The following ZMAT1 variants were observed in gnomAD, a reference collection of about 807,000 sequenced individuals.
ZMAT1 encodes the protein zinc finger matrin-type protein 1.
Under a neutral mutation model 18.5 loss-of-function variants are expected in ZMAT1, and 11 were observed. The observed-to-expected ratio is 0.59, with a 90% confidence interval of 0.37 to 0.98. The LOEUF is 0.98. Among genes scored for constraint, ZMAT1 ranks in the 50% least tolerant of loss-of-function variants. ZMAT1 has a pLI of 0.01. For missense variants in ZMAT1, 525 were observed against 496.2 expected (o/e 1.06, Z -0.55); for synonymous variants, 211 against 176.4 (o/e 1.20, Z -1.55).
intron 1 of ZMAT1, among the ~76,000 whole-genome samples, chrX:101,905,507 C>G (rs1386008614): frequency 8.9e-6 from 1 of 112,146 alleles, no homozygotes; most frequent in African/African-American, 3.2e-5. Flanking sequence ...CATGCTTTCA[C>G]AGAGAGATGC....
chrX:101,894,070 G>A (rs1242946226), intron 4 of ZMAT1, among the ~76,000 whole-genome samples: 1 of 111,831 alleles, frequency 8.9e-6, no homozygotes, highest in African/African-American at 3.3e-5. Flanking sequence ...AAACACTCTA[G>A]TGGTTAAATT....
In ZMAT1 at chrX:101,886,728, A is replaced by T; in HGVS notation, c.680T>A (p.Phe227Tyr). The change falls in exon 5 of 6, where the codon TTT becomes TAT. Residue 227 changes from phenylalanine to tyrosine, a missense_variant. Transcript: ENST00000651725. The part of the protein sequence containing the change: ...SPSGFQPEMA[F>Y]SMRTYVCHIC... ...ATGGCAAACATAGGTTCTCATACTA[A>T]ATGCTGAAAAAACAAAGAGTTCAAG... 1 of 1,169,249 alleles carries T rather than the reference A, an allele frequency of 8.6e-7. No homozygotes were observed. Among genetic ancestry groups the T allele is most frequent in the Non-Finnish European group, 1.2e-6 (1 of 862,400 alleles).
intron 4 of ZMAT1, 113 bp from the exon 5 acceptor site, chrX:101,886,844 A>G (rs1485500607): frequency 1.9e-6 from 1 of 536,039 alleles, no homozygotes; most frequent in Non-Finnish European, 3.0e-6. Flanking sequence ...ACATTTTCCA[A>G]TAAAGATGGG....
chrX:101,917,115 A>T (rs756835638), intron 1 of ZMAT1, among the ~76,000 whole-genome samples: 4 of 112,377 alleles, frequency 3.6e-5, no homozygotes, highest in Non-Finnish European at 5.6e-5. Flanking sequence ...AATCTCCAGG[A>T]CACTGGTCTT....
chrX:101,899,024 G>C (rs1441391816), intron 2 of ZMAT1, among the ~76,000 whole-genome samples: 1 of 110,828 alleles, frequency 9.0e-6, no homozygotes, highest in African/African-American at 3.3e-5. Flanking sequence ...CTCCAGCCTA[G>C]GCGACAGAGA....
chrX:101,891,298 A>G (rs1603274609), intron 4 of ZMAT1, among the ~76,000 whole-genome samples: 1 of 111,585 alleles, frequency 9.0e-6, no homozygotes, highest in East Asian at 2.8e-4. Flanking sequence ...CAGAAACCTA[A>G]TTTGGTAAGT....
At chrX:101,893,357 A>G (rs748684328) in intron 4 of ZMAT1, among the ~76,000 whole-genome samples, 15 of 111,561 alleles carry the variant, frequency 1.3e-4, no homozygotes, top group Admixed American at 5.7e-4. Context: ...AACAAGTGAA[A>G]GTTGTCATTT....
chrX:101,929,641 A>T (rs1458713373), intron 1 of ZMAT1, among the ~76,000 whole-genome samples: 1 of 109,967 alleles, frequency 9.1e-6, no homozygotes, highest in African/African-American at 3.3e-5. Context: ...GTAAGAGAGA[A>T]TTTTTAGGTT....
Position 101,898,016 on chromosome X carries a change from T to C in ZMAT1, c.528A>G (p.Lys176=), listed in dbSNP as rs1927948599. 8.3e-7 allele frequency: 1 copy of C among 1,209,663 alleles called. No individual in the cohort carries two copies. Among genetic ancestry groups the C allele is most frequent in the African/African-American group, 1.8e-5 (1 of 57,131 alleles). The stretch of plus-strand genomic sequence containing the variant: ...TGTTGCAGAGATCACAAAATTTGTT[T>C]TTGTCCACTCCTTCATACCTATGCA... ...FQVHRYEGVD[K]NKFCDLCNMM... Residue 176 remains lysine (K), a synonymous_variant, in exon 4 of 6, where the codon AAA becomes AAG. Transcript: ENST00000651725.
At chrX:101,886,068 C>T (rs184014714) in intron 5 of ZMAT1, among the ~76,000 whole-genome samples, 1 of 112,065 alleles carries the variant, frequency 8.9e-6, no homozygotes, top group African/African-American at 3.2e-5. Flanking sequence ...CAATTCTCCT[C>T]TCCTTGAAAT....
intron 2 of ZMAT1, among the ~76,000 whole-genome samples, chrX:101,902,789 C>T (rs1185409628): frequency 9.0e-6 from 1 of 111,716 alleles, no homozygotes; most frequent in Non-Finnish European, 1.9e-5. Flanking sequence ...TTATTAAACA[C>T]ATAAGCACAG....
At chrX:101,918,674 T>A (rs1929524356) in intron 1 of ZMAT1, 1 of 110,275 alleles carries the variant, frequency 9.1e-6, no homozygotes, top group Non-Finnish European at 1.9e-5. Context: ...AGTAAATAAA[T>A]ATTATTTTTT....
At chrX:101,918,254 C>T (rs1223485569) in intron 1 of ZMAT1, among the ~76,000 whole-genome samples, 6 of 111,278 alleles carry the variant, frequency 5.4e-5, no homozygotes, top group Non-Finnish European at 1.1e-4. Flanking sequence ...TTTCACACTG[C>T]ATGCCTGTAT....
Position 101,884,649 on chromosome X carries a change from C to G in ZMAT1, c.949G>C (p.Asp317His). ...LETRRYREVV[D>H]SRPRHRMFEQ... The stretch of plus-strand genomic sequence containing the variant: ...AACATTCTATGTCTGGGTCTGGAAT[C>G]GACCACTTCTCTGTATCTACGGGTT... The change falls in exon 6 of 6, where the codon GAT (aspartate) becomes CAT (histidine). Residue 317 changes from aspartate to histidine, a missense_variant. By Grantham distance (81) the Asp-to-His change is moderately conservative (BLOSUM62 -1). Transcript: ENST00000651725. The G allele has an allele frequency of 8.3e-7, 1 of 1,210,831 alleles. No individual in the cohort carries two copies. Among genetic ancestry groups the G allele is most frequent in the Non-Finnish European group, 1.1e-6 (1 of 895,096 alleles).
chrX:101,908,259 G>A lies in ZMAT1; in HGVS notation c.293-3929C>T, dbSNP rs186900648. Among the ~76,000 whole-genome samples the A allele has an allele frequency of 4.6e-4, 51 of 111,871 alleles. 1 individual carries two copies. Among genetic ancestry groups the A allele is most frequent in the African/African-American group, 1.6e-3 (50 of 30,865 alleles). On this transcript the variant is annotated intron_variant, in intron 1 of 5. Coordinates refer to ENST00000651725, the MANE Select transcript of ZMAT1 (RefSeq NM_001394560.1). ...TCCCTTTTTCAGGATTAACTACTAC[G>A]TGCAAATTGAGCATAGTGGTATAAT... is the stretch of plus-strand genomic sequence containing the variant.
chrX:101,929,244 A>G (rs1402518629), intron 1 of ZMAT1, among the ~76,000 whole-genome samples: 1 of 109,250 alleles, frequency 9.2e-6, no homozygotes, highest in African/African-American at 3.3e-5. Context: ...TGGATTTGCA[A>G]TAACTGAATC....
intron 4 of ZMAT1, 59 bp from the exon 5 acceptor site, chrX:101,886,790 A>T (rs1812235255): frequency 1.2e-6 from 1 of 822,408 alleles, no homozygotes; most frequent in African/African-American, 3.7e-5. Context: ...AGAATCACAT[A>T]ATGTTAGAAC....
Position 101,884,378 on chromosome X carries a change from C to A in ZMAT1, c.1220G>T (p.Arg407Ile). ...REMVDSGPRSRMCEQRFSHEA... is the reference protein window; with the variant it reads ...REMVDSGPRSIMCEQRFSHEA... ...ATGTGAAAATCTTTGCTCACACATT[C>A]TTGATCTGGGTCCAGAATCAACCAT... Residue 407 changes from arginine to isoleucine, a missense_variant, in exon 6 of 6, where the codon AGA becomes ATA. Coordinates refer to ENST00000651725, the MANE Select transcript of ZMAT1 (RefSeq NM_001394560.1). 2 of 1,211,070 alleles carry A rather than the reference C, an allele frequency of 1.7e-6. No individual in the cohort carries two copies. The highest frequency in any genetic ancestry group is 2.2e-6 in the Non-Finnish European group (2 of 895,243).
intron 1 of ZMAT1, among the ~76,000 whole-genome samples, chrX:101,913,831 G>A (rs765425632): frequency 9.0e-6 from 1 of 111,564 alleles, no homozygotes. Context: ...TCTGCACTAC[G>A]GATGAAATGG....
Sources: allele counts gnomAD v4.1 joint callset (sites outside exome capture counted in the v4.1 genomes callset), GRCh38; gene constraint gnomAD v4.1.1; transcripts MANE v1.5; gene names NCBI Gene and HGNC (gene_info 2026-07-23, HGNC 2026-07-21).